The following RAD18 variants were observed in gnomAD, a reference collection of about 807,000 sequenced individuals.
RAD18 encodes RAD18 E3 ubiquitin protein ligase.
RAD18 carries 47 observed loss-of-function variants against 60.4 expected under a neutral mutation model. The ratio of observed to expected loss-of-function variants is 0.78; its 90% CI spans 0.62 to 0.99. The LOEUF (loss-of-function observed/expected upper bound fraction) is 0.99. Among genes scored for constraint, RAD18 ranks in the 50% least tolerant of loss-of-function variants. RAD18 has a pLI of 0.00. For synonymous variants in RAD18, 225 were observed against 195.5 expected, an observed-to-expected ratio of 1.15 and a Z score of -1.26; for missense variants, 640 against 593.3, an observed-to-expected ratio of 1.08 and a Z score of -0.82.
chr3:8,897,678 A>T (rs1010584781), intron 11 of RAD18, among the ~76,000 whole-genome samples: 10 of 152,246 alleles, frequency 6.6e-5, no homozygotes, highest in Admixed American at 4.6e-4. Context: ...TTTCAGCGTC[A>T]TTAAATAACA....
intron 6 of RAD18, among the ~76,000 whole-genome samples, chr3:8,938,941 GTTATTTTCATGTACAAGGGA>G (rs1314293082): frequency 6.6e-6 from 1 of 152,098 alleles, no homozygotes. Flanking sequence ...AGAAATTACA[GTTATTTTCATGTACAAGGGA>G]GGTAGAACAG....
chr3:8,936,143 T>C (rs994809578), intron 6 of RAD18, 88 bp from the exon 7 acceptor site: 15 of 1,261,122 alleles, frequency 1.2e-5, no homozygotes, highest in Non-Finnish European at 1.6e-5. Context: ...ATTCAACACC[T>C]GGGTGACCGG....
intron 9 of RAD18, among the ~76,000 whole-genome samples, chr3:8,907,078 A>G (rs6783017): frequency 0.031 from 4,703 of 152,136 alleles, 248 homozygotes; most frequent in African/African-American, 0.11. Context: ...TGTCCTGCAA[A>G]CTCTAACTCC....
At chr3:8,932,708 T>C (rs1182905498) in intron 7 of RAD18, among the ~76,000 whole-genome samples, 1 of 152,078 alleles carries the variant, frequency 6.6e-6, no homozygotes, top group Non-Finnish European at 1.5e-5. Flanking sequence ...TTACTGATAA[T>C]AAAAAAACTG....
chr3:8,881,963 G>T (rs1939470287), intron 12 of RAD18, among the ~76,000 whole-genome samples: 1 of 152,212 alleles, frequency 6.6e-6, no homozygotes, highest in South Asian at 2.1e-4. Context: ...AATCAGCTAA[G>T]ATTTTCCTAA....
chr3:8,942,873 T>C (rs989963716), intron 4 of RAD18, among the ~76,000 whole-genome samples: 2 of 152,196 alleles, frequency 1.3e-5, no homozygotes, highest in African/African-American at 4.8e-5. Context: ...AAGCTGATAC[T>C]GGTAAATTAA....
intron 4 of RAD18, among the ~76,000 whole-genome samples, chr3:8,944,378 T>C (rs760422967): frequency 3.9e-5 from 6 of 152,088 alleles, no homozygotes; most frequent in Non-Finnish European, 8.8e-5. Context: ...GAAGCTTTGT[T>C]TATTTCTTCA....
chr3:8,941,518 C>A lies in RAD18; in HGVS notation c.553G>T (p.Ala185Ser). 1.9e-6 allele frequency: 3 copies of A among 1,613,924 alleles called. No homozygotes were observed. The highest frequency in any genetic ancestry group is 2.5e-6 in the Non-Finnish European group (3 of 1,179,908). The change falls in exon 5 of 13, where the codon GCT becomes TCT. Residue 185 changes from alanine to serine, a missense_variant. Coordinates refer to ENST00000264926, the MANE Select transcript of RAD18 (RefSeq NM_020165.4). ...GTCGAGGGTGGCTCAGGACGCTTAG[C>A]CTCTGAGGGATCTGGAGCGATCTCT... is the stretch of plus-strand genomic sequence containing the variant. ...VEEIAPDPSE[A>S]KRPEPPSTST...
At chr3:8,910,252 G>C (rs890085326) in intron 9 of RAD18, among the ~76,000 whole-genome samples, 1 of 152,220 alleles carries the variant, frequency 6.6e-6, no homozygotes, top group African/African-American at 2.4e-5. Context: ...GGAAGGTTTA[G>C]AGATATATTA....
At chr3:8,939,803 G>A (rs958479423) in intron 5 of RAD18, 150 bp from the exon 6 acceptor site, 10 of 631,768 alleles carry the variant, frequency 1.6e-5, no homozygotes, top group Non-Finnish European at 2.3e-5. Context: ...ATGGCCCATC[G>A]GGACAACAGG....
At chr3:8,951,683 A>G (rs1940927377) in intron 2 of RAD18, among the ~76,000 whole-genome samples, 1 of 152,244 alleles carries the variant, frequency 6.6e-6, no homozygotes, top group Admixed American at 6.5e-5. Flanking sequence ...GCGTATAAAA[A>G]TGCACGCTTA....
intron 10 of RAD18, among the ~76,000 whole-genome samples, chr3:8,899,960 A>G (rs911543993): frequency 5.9e-5 from 9 of 152,226 alleles, no homozygotes; most frequent in African/African-American, 2.2e-4. Context: ...GTGGTCTTCA[A>G]CAAAGCACAC....
At position 8,919,520 on chromosome 3, in the gene RAD18, T is replaced by C. The variant is rs773841419; in HGVS notation, c.890-5800A>G. ...AAAACTGCTACAGTATGAAATACTT[T>C]TGAGAGCCTTGAAACATGTAAGTGT... is the stretch of plus-strand genomic sequence containing the variant. On this transcript the variant is annotated intron_variant, in intron 7 of 12. Coordinates refer to ENST00000264926, the MANE Select transcript of RAD18 (RefSeq NM_020165.4). 1.0e-3 allele frequency among the ~76,000 whole-genome samples: 153 copies of C among 152,346 alleles called. No individual in the cohort carries two copies. In the Middle Eastern group the frequency reaches 0.01, roughly 10 times the overall value.
chr3:8,957,470 CAT>C (rs1354386451), intron 2 of RAD18, among the ~76,000 whole-genome samples: 1 of 152,116 alleles, frequency 6.6e-6, no homozygotes, highest in Non-Finnish European at 1.5e-5. Flanking sequence ...CAAGGATAGA[CAT>C]ATATGAGTCT....
intron 11 of RAD18, among the ~76,000 whole-genome samples, chr3:8,893,554 T>C (rs1228380646): frequency 6.6e-6 from 1 of 152,194 alleles, no homozygotes. Flanking sequence ...ATTTTAGCAG[T>C]TGGCTAACGT....
intron 5 of RAD18, among the ~76,000 whole-genome samples, chr3:8,940,904 G>A (rs1439187901): frequency 6.6e-6 from 1 of 152,200 alleles, no homozygotes; most frequent in Non-Finnish European, 1.5e-5. Context: ...CAGTCACAGA[G>A]AATAGGGTGG....
intron 10 of RAD18, 45 bp downstream of exon 10, chr3:8,902,331 GTAAA>G (rs1463285198): frequency 2.8e-6 from 4 of 1,411,022 alleles, no homozygotes; most frequent in Non-Finnish European, 3.7e-6. Flanking sequence ...CATATTAAAA[GTAAA>G]TAATGAAATT....
At chr3:8,918,027 G>A (rs1043730351) in intron 7 of RAD18, among the ~76,000 whole-genome samples, 2 of 152,168 alleles carry the variant, frequency 1.3e-5, no homozygotes, top group Non-Finnish European at 2.9e-5. Flanking sequence ...GATAAAGAGT[G>A]AAATTAGGGG....
rs572653343 is a variant in RAD18 at position 8,923,672 on chromosome 3, G to A, written c.890-9952C>T. Among the ~76,000 whole-genome samples, 94 of 152,222 alleles carry A rather than the reference G, an allele frequency of 6.2e-4. No homozygotes were observed. In the South Asian group the frequency reaches 6.6e-3, roughly 11 times the overall value. Reference sequence around the variant, plus strand: ...TTAAGGGCAGCCAGAGAGAAAGGTCGGGTTACCCACAAAGGGAAGCCCATC... The same window carrying A: ...TTAAGGGCAGCCAGAGAGAAAGGTCAGGTTACCCACAAAGGGAAGCCCATC... On this transcript the variant is annotated intron_variant, in intron 7 of 12. Transcript: ENST00000264926.
Sources: allele counts gnomAD v4.1 joint callset (sites outside exome capture counted in the v4.1 genomes callset), GRCh38; gene constraint gnomAD v4.1.1; transcripts MANE v1.5; gene names NCBI Gene and HGNC (gene_info 2026-07-23, HGNC 2026-07-21).